The following CENPW variants were observed in gnomAD, a reference collection of about 807,000 sequenced individuals.
CENPW encodes centromere protein W.
CENPW carries 3 observed loss-of-function variants against 11.1 expected under a neutral mutation model. That is an observed-to-expected ratio of 0.27 (90% confidence interval 0.12 to 0.70). The LOEUF is 0.70. Ranked by LOEUF, CENPW falls within the 30% of genes least tolerant of loss-of-function variation. The probability of loss-of-function intolerance (pLI) is 0.77; values close to 1 mark genes in which losing one functional copy is unlikely to be tolerated. For synonymous variants in CENPW, 38 were observed against 42.0 expected (o/e 0.91, Z 0.37); for missense variants, 100 against 105.6 (o/e 0.95, Z 0.23).
the CENPW span, among the ~76,000 whole-genome samples, chr6:126,405,559 TAG>T: frequency 6.6e-6 from 1 of 152,112 alleles, no homozygotes; most frequent in African/African-American, 2.4e-5. Context: ...GATATTTTGA[TAG>T]AGATTGCATT....
At chr6:126,341,661 G>A (rs1348127650) in intron 1 of CENPW, among the ~76,000 whole-genome samples, 1 of 152,178 alleles carries the variant, frequency 6.6e-6, no homozygotes, top group Non-Finnish European at 1.5e-5. Flanking sequence ...TGGTGATAGA[G>A]GTGGCACAAA....
the CENPW span, among the ~76,000 whole-genome samples, chr6:126,445,285 G>T: frequency 6.6e-6 from 1 of 151,110 alleles, no homozygotes; most frequent in South Asian, 2.1e-4. Flanking sequence ...TTTTGGTATT[G>T]TAGGAACACC....
At chr6:126,462,805 A>G in the CENPW span, among the ~76,000 whole-genome samples, 3 of 152,106 alleles carry the variant, frequency 2.0e-5, no homozygotes, top group Middle Eastern at 3.4e-3. Flanking sequence ...TATGTGGCAG[A>G]CTTGAAAGGA....
the CENPW span, among the ~76,000 whole-genome samples, chr6:126,378,600 C>A: frequency 6.6e-6 from 1 of 152,022 alleles, no homozygotes; most frequent in African/African-American, 2.4e-5. Context: ...CTTTAGAACT[C>A]ATTTTTGCTG....
At chr6:126,456,732 C>A in the CENPW span, among the ~76,000 whole-genome samples, 8 of 151,626 alleles carry the variant, frequency 5.3e-5, no homozygotes, top group Non-Finnish European at 1.0e-4. Context: ...AGCTTCTGCA[C>A]AGCAAAATAA....
chr6:126,425,349 G>A, the CENPW span, among the ~76,000 whole-genome samples: 20 of 152,038 alleles, frequency 1.3e-4, no homozygotes, highest in African/African-American at 4.8e-4. Flanking sequence ...ATCTTTATTT[G>A]TCTCTTCTTT....
chr6:126,407,742 T>C, the CENPW span, among the ~76,000 whole-genome samples: 1 of 152,304 alleles, frequency 6.6e-6, no homozygotes, highest in Non-Finnish European at 1.5e-5. Flanking sequence ...TTGAGAAGTG[T>C]CTGTTCACGT....
chr6:126,455,867 A>G, the CENPW span, among the ~76,000 whole-genome samples: 3 of 151,420 alleles, frequency 2.0e-5, no homozygotes, highest in African/African-American at 7.3e-5. Flanking sequence ...AAAAAACTTC[A>G]GCAAAGGTTT....
the CENPW span, among the ~76,000 whole-genome samples, chr6:126,446,354 C>T: frequency 6.7e-6 from 1 of 148,844 alleles, no homozygotes; most frequent in Non-Finnish European, 1.5e-5. Context: ...GACCCCCTCC[C>T]TGGCCCCCCC....
the CENPW span, among the ~76,000 whole-genome samples, chr6:126,465,786 T>C: frequency 6.6e-6 from 1 of 152,064 alleles, no homozygotes; most frequent in Admixed American, 6.5e-5. Flanking sequence ...TTCCAACAGA[T>C]AATGCTGGAA....
the CENPW span, among the ~76,000 whole-genome samples, chr6:126,393,569 A>G: frequency 6.6e-6 from 1 of 151,438 alleles, no homozygotes; most frequent in Admixed American, 6.6e-5. Context: ...TTGTTTAATT[A>G]CCATTTTTTT....
chr6:126,374,883 T>C, the CENPW span, among the ~76,000 whole-genome samples: 1 of 152,226 alleles, frequency 6.6e-6, no homozygotes, highest in Admixed American at 6.5e-5. Flanking sequence ...TGTGTTAGGC[T>C]GAAACCTATG....
At chr6:126,364,156 A>G in the CENPW span, among the ~76,000 whole-genome samples, 7 of 152,204 alleles carry the variant, frequency 4.6e-5, no homozygotes, top group African/African-American at 7.2e-5. Flanking sequence ...CCTGAGGTCT[A>G]TAATTCTGAA....
the CENPW span, among the ~76,000 whole-genome samples, chr6:126,418,502 G>T: frequency 6.6e-6 from 1 of 152,090 alleles, no homozygotes; most frequent in African/African-American, 2.4e-5. Context: ...AGAGAAAGGG[G>T]TAAATGTAAC....
At chr6:126,480,094 C>A in the CENPW span, among the ~76,000 whole-genome samples, 1 of 151,966 alleles carries the variant, frequency 6.6e-6, no homozygotes, top group Admixed American at 6.6e-5. Flanking sequence ...CATCCTCCTA[C>A]TTCCCCTTGC....
the CENPW span, among the ~76,000 whole-genome samples, chr6:126,467,845 A>T: frequency 6.6e-6 from 1 of 152,176 alleles, no homozygotes; most frequent in Non-Finnish European, 1.5e-5. Context: ...TCAACTATTG[A>T]TCAAAATCAA....
chr6:126,427,570 TCACAAGTTG>T, the CENPW span, among the ~76,000 whole-genome samples: 3 of 152,174 alleles, frequency 2.0e-5, no homozygotes, highest in Non-Finnish European at 4.4e-5. Context: ...TCACAATAAC[TCACAAGTTG>T]CAACTCTTCA....
chr6:126,370,737 T>C, the CENPW span, among the ~76,000 whole-genome samples: 8 of 152,102 alleles, frequency 5.3e-5, no homozygotes, highest in African/African-American at 1.9e-4. Flanking sequence ...CTTAACTGAT[T>C]TGGATGCAGT....
the CENPW span, among the ~76,000 whole-genome samples, chr6:126,355,931 A>G: frequency 1.3e-5 from 2 of 152,164 alleles, no homozygotes; most frequent in East Asian, 3.9e-4. Flanking sequence ...GGGAGCATCA[A>G]TTCTTCCAGT....
Sources: gnomAD v4.1 joint callset for allele counts (sites outside exome capture counted in the v4.1 genomes callset) on GRCh38, gnomAD v4.1.1 for gene constraint, MANE v1.5 for transcripts, NCBI Gene and HGNC (gene_info 2026-07-23, HGNC 2026-07-21) for gene names.